DUSP16: variants seen among roughly 807,000 people sequenced by gnomAD.
DUSP16 encodes the protein dual specificity protein phosphatase 16.
Under a neutral mutation model 58.3 loss-of-function variants are expected in DUSP16, and 21 were observed. That is an observed-to-expected ratio of 0.36 (90% confidence interval 0.26 to 0.52). DUSP16 has a LOEUF of 0.52. Among genes scored for constraint, DUSP16 ranks in the 20% least tolerant of loss-of-function variants. DUSP16 has a pLI of 0.94. For missense variants in DUSP16, 726 were observed against 819.0 expected, an observed-to-expected ratio of 0.89 and a Z score of 1.39; for synonymous variants, 320 against 323.8, an observed-to-expected ratio of 0.99 and a Z score of 0.12.
In DUSP16 at chr12:12,515,591, G is replaced by C. The variant is rs140991040; in HGVS notation, c.367+4271C>G. 7.6e-3 allele frequency among the ~76,000 whole-genome samples: 1,148 copies of C among 151,974 alleles called. 9 individuals are homozygous for C. Among genetic ancestry groups the C allele is most frequent in the African/African-American group, 0.027 (1,115 of 41,434 alleles). On this transcript the variant is annotated intron_variant, in intron 3 of 6. Transcript: ENST00000298573. ...GATCCGCCCGCCTCGGCCTCCCAAAGTGCTGGGATTACAGGTGTGAGCCAC... is the reference window on the plus strand; with the variant it reads ...GATCCGCCCGCCTCGGCCTCCCAAACTGCTGGGATTACAGGTGTGAGCCAC...
chr12:12,519,788 G>T, intron 3 of DUSP16, 74 bp downstream of exon 3: 1 of 1,497,724 alleles, frequency 6.7e-7, no homozygotes, highest in Non-Finnish European at 9.2e-7. Flanking sequence ...ATTGTACTGA[G>T]TTCACAGTGA....
chr12:12,485,157 G>A (rs1461034786), intron 5 of DUSP16, among the ~76,000 whole-genome samples: 1 of 151,870 alleles, frequency 6.6e-6, no homozygotes, highest in Non-Finnish European at 1.5e-5. Flanking sequence ...CTACAGGCAT[G>A]TGCCACTACG....
chr12:12,487,919 C>T (rs1474929482), intron 4 of DUSP16, among the ~76,000 whole-genome samples: 1 of 152,106 alleles, frequency 6.6e-6, no homozygotes, highest in Non-Finnish European at 1.5e-5. Flanking sequence ...CAAATGGCTG[C>T]CAAATCCTTT....
intron 1 of DUSP16, among the ~76,000 whole-genome samples, chr12:12,548,971 A>G (rs1376226266): frequency 6.6e-6 from 1 of 152,210 alleles, no homozygotes; most frequent in African/African-American, 2.4e-5. Flanking sequence ...CCCCAAGCTG[A>G]AAAACCCCTA....
chr12:12,512,816 CT>C (rs1479513014), intron 3 of DUSP16, among the ~76,000 whole-genome samples: 6 of 152,128 alleles, frequency 3.9e-5, no homozygotes, highest in Admixed American at 3.9e-4. Context: ...TAATTTCAAT[CT>C]CATTTACCAA....
At chr12:12,488,971 C>T (rs1349326601) in intron 4 of DUSP16, among the ~76,000 whole-genome samples, 1 of 152,042 alleles carries the variant, frequency 6.6e-6, no homozygotes, top group Non-Finnish European at 1.5e-5. Flanking sequence ...CCCAGCTACT[C>T]GGGAAAGTTG....
intron 1 of DUSP16, among the ~76,000 whole-genome samples, chr12:12,526,877 G>A (rs1944315369): frequency 6.6e-6 from 1 of 152,100 alleles, no homozygotes; most frequent in South Asian, 2.1e-4. Context: ...TACTGCTACT[G>A]CTGCCCTAAA....
intron 1 of DUSP16, among the ~76,000 whole-genome samples, chr12:12,533,567 A>G (rs917055372): frequency 2.6e-5 from 4 of 152,226 alleles, no homozygotes; most frequent in Non-Finnish European, 4.4e-5. Context: ...AGCAGGAGCT[A>G]CAAAAACTCT....
intron 5 of DUSP16, among the ~76,000 whole-genome samples, chr12:12,484,962 A>G (rs529380470): frequency 6.6e-6 from 1 of 151,744 alleles, no homozygotes; most frequent in African/African-American, 2.4e-5. Context: ...AATGTTTTTT[A>G]GAAGTACAAT....
chr12:12,505,379 G>A (rs1943978491), intron 3 of DUSP16, among the ~76,000 whole-genome samples: 2 of 152,208 alleles, frequency 1.3e-5, no homozygotes, highest in Admixed American at 1.3e-4. Flanking sequence ...TCGCTCAAAG[G>A]CTTCAATGAG....
rs73291696 is a variant in DUSP16, at chr12:12,514,663, T to G, written c.367+5199A>C. Among the ~76,000 whole-genome samples the G allele has an allele frequency of 8.2e-3, 1,242 of 152,186 alleles. 19 individuals carry two copies. Among genetic ancestry groups the G allele is most frequent in the African/African-American group, 0.028 (1,151 of 41,512 alleles). ...ACTACCTCTCTCTAGCTCTACCTTGTGTAATTTCTTTTTTCTTCTTTTGGA... is the reference window on the plus strand; with the variant it reads ...ACTACCTCTCTCTAGCTCTACCTTGGGTAATTTCTTTTTTCTTCTTTTGGA... On this transcript the variant is annotated intron_variant, in intron 3 of 6. Transcript: ENST00000298573.
intron 1 of DUSP16, among the ~76,000 whole-genome samples, chr12:12,559,939 G>A (rs766276575): frequency 3.3e-5 from 5 of 152,044 alleles, no homozygotes; most frequent in Non-Finnish European, 2.9e-5. Context: ...GAAAAGAACC[G>A]GGGTAACAGT....
At chr12:12,480,799 A>G (rs1430276272) in intron 5 of DUSP16, among the ~76,000 whole-genome samples, 3 of 152,100 alleles carry the variant, frequency 2.0e-5, no homozygotes, top group South Asian at 2.1e-4. Context: ...GCTCATTGCA[A>G]TCTCCGCCTC....
intron 1 of DUSP16, among the ~76,000 whole-genome samples, chr12:12,548,275 A>G (rs1346094764): frequency 2.6e-5 from 4 of 152,194 alleles, no homozygotes; most frequent in Non-Finnish European, 4.4e-5. Context: ...AACATCACCA[A>G]TCACCAGAGA....
In DUSP16 at chr12:12,475,099, C is replaced by T. The variant is rs536986152; in HGVS notation, c.*1734G>A. ...CATTCTGTGCTGGTTTTAGAAGTCA[C>T]CATAGGAAACATGAAGTCACATCCT... On this transcript the variant is annotated 3_prime_UTR_variant, in exon 7 of 7. Coordinates refer to ENST00000298573, the MANE Select transcript of DUSP16 (RefSeq NM_030640.3). The T allele has an allele frequency of 6.6e-6, 1 of 152,038 alleles. No homozygotes were observed. The highest frequency in any genetic ancestry group is 1.5e-5 in the Non-Finnish European group (1 of 68,020). The allele number at this position is 152,038 out of a possible 1,614,324, so 9.4% of individuals were successfully genotyped here. A position where few individuals can be genotyped will look rare whatever the true frequency, so the allele number is the denominator to read the frequency against.
intron 5 of DUSP16, among the ~76,000 whole-genome samples, chr12:12,482,733 A>G (rs1448367745): frequency 6.6e-6 from 1 of 152,304 alleles, no homozygotes; most frequent in African/African-American, 2.4e-5. Context: ...TTGTTTTTTC[A>G]GACAGGGTCT....
At chr12:12,552,771 AC>A (rs987231710) in intron 1 of DUSP16, among the ~76,000 whole-genome samples, 8 of 151,992 alleles carry the variant, frequency 5.3e-5, no homozygotes, top group African/African-American at 1.7e-4. Context: ...ATTTATATCA[AC>A]CCTCTTTGTT....
At chr12:12,540,949 C>CTTTTCTTTTT (rs1944547733) in intron 1 of DUSP16, among the ~76,000 whole-genome samples, 1 of 43,806 alleles carries the variant, frequency 2.3e-5, no homozygotes, top group Non-Finnish European at 4.4e-5. Context: ...CTTTTCTTTT[C>CTTTTCTTTTT]TTTTTTTTTT....
intron 1 of DUSP16, among the ~76,000 whole-genome samples, chr12:12,556,565 A>AC (rs1000095362): frequency 1.3e-5 from 2 of 151,788 alleles, no homozygotes; most frequent in Non-Finnish European, 2.9e-5. Context: ...ACAGAGACAG[A>AC]CCCCATCTTT....
Sources: gnomAD v4.1 joint callset for allele counts (sites outside exome capture counted in the v4.1 genomes callset) on GRCh38, gnomAD v4.1.1 for gene constraint, MANE v1.5 for transcripts, NCBI Gene and HGNC (gene_info 2026-07-23, HGNC 2026-07-21) for gene names.